LRRIQ3: variants seen among roughly 807,000 people sequenced by gnomAD.
LRRIQ3 encodes the protein leucine-rich repeat and IQ domain-containing protein 3.
A neutral mutation model predicts 59.3 loss-of-function variants in LRRIQ3; 75 were observed. The observed-to-expected ratio is 1.26, with a 90% CI of 1.05 to 1.53. The LOEUF (loss-of-function observed/expected upper bound fraction) is 1.53, where lower values mean the gene tolerates loss of function less well. Among genes scored for constraint, LRRIQ3 ranks in the 40% most tolerant of loss-of-function variants. The pLI, the probability that LRRIQ3 is intolerant of heterozygous loss-of-function variation, is 0.00. For synonymous variants in LRRIQ3, 250 were observed against 231.3 expected (o/e 1.08, Z -0.73); for missense variants, 831 against 710.0 (o/e 1.17, Z -1.94).
At chr1:74,070,904 T>C (rs1011624356) in intron 6 of LRRIQ3, among the ~76,000 whole-genome samples, 14 of 151,378 alleles carry the variant, frequency 9.2e-5, no homozygotes, top group Admixed American at 4.6e-4. Flanking sequence ...AATTATATTT[T>C]TCAGGAGAAA....
At chr1:74,051,499 A>G (rs1337440347) in intron 6 of LRRIQ3, among the ~76,000 whole-genome samples, 1 of 152,198 alleles carries the variant, frequency 6.6e-6, no homozygotes, top group East Asian at 1.9e-4. Flanking sequence ...ATTCCATATT[A>G]GTGGTATATT....
At chr1:74,081,614 A>G (rs921008064) in intron 5 of LRRIQ3, among the ~76,000 whole-genome samples, 2 of 151,640 alleles carry the variant, frequency 1.3e-5, no homozygotes, top group Non-Finnish European at 3.0e-5. Flanking sequence ...AAGAAAGGAC[A>G]TGGGGAAATT....
At chr1:74,155,577 A>G (rs910169749) in intron 4 of LRRIQ3, 156 bp downstream of exon 4, 8 of 510,606 alleles carry the variant, frequency 1.6e-5, no homozygotes, top group African/African-American at 6.1e-5. Flanking sequence ...ATTACTATAG[A>G]GTCTGTGGTA....
intron 4 of LRRIQ3, among the ~76,000 whole-genome samples, chr1:74,140,392 CTAA>C (rs1450100025): frequency 2.0e-5 from 3 of 151,622 alleles, no homozygotes; most frequent in Non-Finnish European, 4.4e-5. Context: ...TTTTATGCAA[CTAA>C]TAACATAGTT....
At chr1:74,106,480 C>T (rs1646614998) in intron 5 of LRRIQ3, among the ~76,000 whole-genome samples, 1 of 151,982 alleles carries the variant, frequency 6.6e-6, no homozygotes, top group African/African-American at 2.4e-5. Flanking sequence ...ATCTCTCACA[C>T]TATATTCCTT....
At chr1:74,197,207 T>C (rs1009824603) in intron 1 of LRRIQ3, among the ~76,000 whole-genome samples, 8 of 152,186 alleles carry the variant, frequency 5.3e-5, no homozygotes, top group Admixed American at 2.0e-4. Flanking sequence ...AAAAACTAAG[T>C]AAATTTATGA....
chr1:74,105,602 T>C (rs1226378777), intron 5 of LRRIQ3, among the ~76,000 whole-genome samples: 1 of 151,938 alleles, frequency 6.6e-6, no homozygotes, highest in South Asian at 2.1e-4. Flanking sequence ...GAGTCCTTAT[T>C]AAAATTATAA....
At chr1:74,195,604 A>G (rs1435611807) in intron 1 of LRRIQ3, among the ~76,000 whole-genome samples, 2 of 151,896 alleles carry the variant, frequency 1.3e-5, no homozygotes, top group East Asian at 3.9e-4. Context: ...GATACTCTCT[A>G]CTCTCCTCCT....
At chr1:74,039,650 G>T (rs961785673) in intron 7 of LRRIQ3, among the ~76,000 whole-genome samples, 1 of 152,124 alleles carries the variant, frequency 6.6e-6, no homozygotes, top group African/African-American at 2.4e-5. Flanking sequence ...TTAAAGAAAA[G>T]AATTTTCAAC....
At chr1:74,185,892 G>A (rs539360762) in intron 1 of LRRIQ3, among the ~76,000 whole-genome samples, 90 of 151,578 alleles carry the variant, frequency 5.9e-4, no homozygotes, top group Non-Finnish European at 1.2e-3. Flanking sequence ...CAGCCTGGGC[G>A]ACAGAGCAAG....
chr1:74,049,432 G>T (rs988063013), intron 6 of LRRIQ3, among the ~76,000 whole-genome samples: 1 of 152,182 alleles, frequency 6.6e-6, no homozygotes, highest in Non-Finnish European at 1.5e-5. Flanking sequence ...AAGATTTTAT[G>T]ATAGGAAGGG....
intron 6 of LRRIQ3, among the ~76,000 whole-genome samples, chr1:74,073,464 TCA>T (rs1211575847): frequency 6.6e-6 from 1 of 151,950 alleles, no homozygotes; most frequent in East Asian, 1.9e-4. Flanking sequence ...TGAGCCATAA[TCA>T]CTCCACTGCA....
chr1:74,110,481 G>C (rs949990824), intron 4 of LRRIQ3, among the ~76,000 whole-genome samples: 34 of 151,978 alleles, frequency 2.2e-4, no homozygotes, highest in African/African-American at 8.0e-4. Flanking sequence ...ATAAAATTTA[G>C]CAGCCTATTT....
At chr1:74,042,181 T>C (rs1297357520) in intron 6 of LRRIQ3, among the ~76,000 whole-genome samples, 1 of 152,128 alleles carries the variant, frequency 6.6e-6, no homozygotes, top group Non-Finnish European at 1.5e-5. Context: ...CCACAATTAC[T>C]TAACTTGCAG....
intron 1 of LRRIQ3, among the ~76,000 whole-genome samples, chr1:74,197,037 T>C (rs541723798): frequency 1.3e-5 from 2 of 152,366 alleles, no homozygotes; most frequent in South Asian, 2.1e-4. Flanking sequence ...CTTTGGTTAC[T>C]TTCACTCAAG....
chr1:74,041,783 T>C lies in LRRIQ3; in HGVS notation c.1148A>G (p.Gln383Arg), dbSNP rs762489995. The C allele has an allele frequency of 6.2e-6, 10 of 1,613,728 alleles. No individual in the cohort carries two copies. The South Asian group carries it at 6.6e-5, about 11-fold the overall frequency. The change falls in exon 7 of 8, where the codon CAG (glutamine) becomes CGG (arginine). Residue 383 changes from glutamine to arginine, a missense_variant. Gln to Arg is a conservative substitution (Grantham distance 43, BLOSUM62 1). Transcript: ENST00000354431. ...CTTTGGATGAGTAGTATAGATTGGC[T>C]GAGGATATGCAGGAAAAAAATGTTG... ...KKQHFFPAYP[Q>R]PIYTTHPKPI...
intron 1 of LRRIQ3, among the ~76,000 whole-genome samples, chr1:74,188,489 T>C (rs1331582938): frequency 1.3e-5 from 2 of 152,204 alleles, no homozygotes; most frequent in Admixed American, 6.5e-5. Context: ...ACCTGCTATC[T>C]TAGGATGTTA....
At chr1:74,144,794 C>A (rs1221255766) in intron 4 of LRRIQ3, among the ~76,000 whole-genome samples, 2 of 151,456 alleles carry the variant, frequency 1.3e-5, no homozygotes, top group Non-Finnish European at 2.9e-5. Context: ...ACTATAGTTT[C>A]CCAACCTTAT....
intron 6 of LRRIQ3, among the ~76,000 whole-genome samples, chr1:74,065,337 C>T (rs2100454568): frequency 6.6e-6 from 1 of 152,160 alleles, no homozygotes; most frequent in Admixed American, 6.6e-5. Flanking sequence ...AACAGTCTCC[C>T]CTTGTTTTGA....
Sources: gnomAD v4.1 joint callset for allele counts (sites outside exome capture counted in the v4.1 genomes callset) on GRCh38, gnomAD v4.1.1 for gene constraint, MANE v1.5 for transcripts, NCBI Gene and HGNC (gene_info 2026-07-23, HGNC 2026-07-21) for gene names.